IGF1: variants seen among roughly 807,000 people sequenced by gnomAD.
IGF1 encodes the protein insulin like growth factor 1.
Under a neutral mutation model 13.8 loss-of-function variants are expected in IGF1, and 4 were observed. That is an observed-to-expected ratio of 0.29 (90% CI 0.14 to 0.66). The LOEUF is 0.66. Among genes scored for constraint, IGF1 ranks in the 30% least tolerant of loss-of-function variants. IGF1 has a pLI of 0.78. For synonymous variants in IGF1, 76 were observed against 72.6 expected, an observed-to-expected ratio of 1.05 and a Z score of -0.23; for missense variants, 124 against 188.5, an observed-to-expected ratio of 0.66 and a Z score of 2.00.
intron 2 of IGF1, chr12:102,462,676 G>A (rs954670371): frequency 4.6e-5 from 7 of 152,214 alleles, no homozygotes; most frequent in Admixed American, 3.3e-4. Flanking sequence ...CTTATTGTAT[G>A]TGTGTCATTG....
chr12:102,411,180 A>T (rs996638453), intron 3 of IGF1, among the ~76,000 whole-genome samples: 1 of 152,218 alleles, frequency 6.6e-6, no homozygotes, highest in African/African-American at 2.4e-5. Flanking sequence ...CTATGCATTT[A>T]TTGATTCATT....
At chr12:102,475,324 A>C (rs901517185) in intron 2 of IGF1, among the ~76,000 whole-genome samples, 3 of 152,164 alleles carry the variant, frequency 2.0e-5, no homozygotes, top group Non-Finnish European at 4.4e-5. Flanking sequence ...CAAAAACATC[A>C]ATACCTCAGG....
chr12:102,441,906 G>GCTGCTTCTTCTTCTTCTTCTTCTT, intron 2 of IGF1, among the ~76,000 whole-genome samples: 74 of 100,330 alleles, frequency 7.4e-4, no homozygotes, highest in Middle Eastern at 4.4e-3. Flanking sequence ...CTATTACACT[G>GCTGCTTCTTCTTCTTCTTCTTCTT]CTTCTTCTCC....
At chr12:102,466,231 T>C (rs1056715452) in intron 2 of IGF1, among the ~76,000 whole-genome samples, 5 of 152,234 alleles carry the variant, frequency 3.3e-5, no homozygotes, top group African/African-American at 9.6e-5. Context: ...CTCCAGGCAA[T>C]GGACCATAGG....
intron 2 of IGF1, among the ~76,000 whole-genome samples, chr12:102,458,849 G>T (rs1420796476): frequency 6.6e-6 from 1 of 151,996 alleles, no homozygotes; most frequent in East Asian, 1.9e-4. Flanking sequence ...TGACATTTGA[G>T]AGAAGAAGAG....
intron 2 of IGF1, among the ~76,000 whole-genome samples, chr12:102,469,284 AT>A (rs1013085398): frequency 3.9e-5 from 6 of 152,156 alleles, no homozygotes; most frequent in African/African-American, 1.4e-4. Flanking sequence ...ATTAAACAGC[AT>A]TTTTTTAGTA....
Position 102,441,906 on chromosome 12 carries a change from G to GCTGCTGCTT in IGF1, c.221-22217_221-22216insAAGCAGCAG. Among the ~76,000 whole-genome samples, 167 of 100,330 alleles carry GCTGCTGCTT rather than the reference G, an allele frequency of 1.7e-3. 9 individuals carry two copies. The highest frequency in any genetic ancestry group is 2.3e-3 in the South Asian group (7 of 3,008). The allele number at this position is 100,330 out of a possible 152,430, so 65.8% of individuals were successfully genotyped here. On this transcript the variant is annotated intron_variant, in intron 2 of 3. Transcript: ENST00000337514. ...GAGCACTAAGTCATTCTATTACACT[G>GCTGCTGCTT]CTTCTTCTCCTTCTTCTTCTTCTTC...
At chr12:102,413,652 C>A (rs1874832980) in intron 3 of IGF1, among the ~76,000 whole-genome samples, 1 of 152,160 alleles carries the variant, frequency 6.6e-6, no homozygotes, top group African/African-American at 2.4e-5. Context: ...CCAGAAATAT[C>A]CTGCATTTCT....
upstream of IGF1, among the ~76,000 whole-genome samples, chr12:102,481,349 G>A (rs11829707): frequency 7.7e-5 from 1 of 12,934 alleles, no homozygotes; most frequent in Non-Finnish European, 2.3e-4. Flanking sequence ...ACTCAAACCT[G>A]TGTGTGTGTG....
At chr12:102,417,754 T>C in intron 3 of IGF1, 1 of 1,602,064 alleles carries the variant, frequency 6.2e-7, no homozygotes. Flanking sequence ...TTTTCTGCTT[T>C]TCATTCTTGC....
intron 2 of IGF1, among the ~76,000 whole-genome samples, chr12:102,449,721 G>T (rs1043440393): frequency 1.4e-5 from 2 of 147,942 alleles, no homozygotes; most frequent in African/African-American, 2.5e-5. Flanking sequence ...TTCCTCTAGG[G>T]TTGAATCCTA....
intron 3 of IGF1, among the ~76,000 whole-genome samples, chr12:102,408,541 G>A (rs1432087240): frequency 6.6e-6 from 1 of 152,064 alleles, no homozygotes; most frequent in Non-Finnish European, 1.5e-5. Context: ...ACACAGTTTT[G>A]GTTAGCCCAG....
intron 2 of IGF1, among the ~76,000 whole-genome samples, chr12:102,461,460 A>C (rs1384920164): frequency 1.3e-5 from 2 of 152,246 alleles, no homozygotes; most frequent in Non-Finnish European, 2.9e-5. Context: ...TAATTAACTC[A>C]GACCCATAAG....
intron 3 of IGF1, among the ~76,000 whole-genome samples, chr12:102,409,535 G>A (rs1400638969): frequency 6.6e-6 from 1 of 152,196 alleles, no homozygotes; most frequent in Non-Finnish European, 1.5e-5. Flanking sequence ...TCTTCCTGTG[G>A]TATTCTCTAC....
chr12:102,412,885 G>A (rs1874768168), intron 3 of IGF1, among the ~76,000 whole-genome samples: 1 of 152,144 alleles, frequency 6.6e-6, no homozygotes, highest in Admixed American at 6.5e-5. Flanking sequence ...GGATGAAAAT[G>A]GGATGGCACT....
At chr12:102,405,885 GACCA>G (rs1406223706) in intron 3 of IGF1, among the ~76,000 whole-genome samples, 1 of 152,188 alleles carries the variant, frequency 6.6e-6, no homozygotes, top group East Asian at 1.9e-4. Context: ...AGGTTAGATT[GACCA>G]ACCACATACA....
chr12:102,443,081 G>A (rs1357745705), intron 2 of IGF1, among the ~76,000 whole-genome samples: 1 of 151,900 alleles, frequency 6.6e-6, no homozygotes, highest in African/African-American at 2.4e-5. Flanking sequence ...TTGATTTGGG[G>A]CACTCAAGTG....
At chr12:102,472,737 A>T (rs1351790801) in intron 2 of IGF1, among the ~76,000 whole-genome samples, 1 of 152,186 alleles carries the variant, frequency 6.6e-6, no homozygotes, top group African/African-American at 2.4e-5. Flanking sequence ...ATCTCAGCGG[A>T]TGAAAAGGAA....
chr12:102,478,680 G>C, intron 1 of IGF1: 2 of 1,350,724 alleles, frequency 1.5e-6, no homozygotes, highest in Non-Finnish European at 1.9e-6. Flanking sequence ...ACTGCCTTTT[G>C]TCCATTGAAA....
Sources: allele counts gnomAD v4.1 joint callset (sites outside exome capture counted in the v4.1 genomes callset), GRCh38; gene constraint gnomAD v4.1.1; transcripts MANE v1.5; gene names NCBI Gene and HGNC (gene_info 2026-07-23, HGNC 2026-07-21).